NALCN: variants seen among roughly 807,000 people sequenced by gnomAD.
NALCN encodes the protein sodium leak channel, non-selective.
Under a neutral mutation model 225.3 loss-of-function variants are expected in NALCN, and 111 were observed. The observed-to-expected ratio is 0.49, with a 90% CI of 0.42 to 0.58. NALCN has a LOEUF of 0.58. NALCN is among the 20% of genes least tolerant of loss of function. NALCN has a pLI of 0.00. For missense variants in NALCN, 1,378 were observed against 2,202.4 expected, an observed-to-expected ratio of 0.63 and a Z score of 7.49; for synonymous variants, 764 against 769.0, an observed-to-expected ratio of 0.99 and a Z score of 0.11.
intron 11 of NALCN, among the ~76,000 whole-genome samples, chr13:101,247,468 G>C (rs1029240057): frequency 1.3e-5 from 2 of 151,902 alleles, no homozygotes; most frequent in African/African-American, 2.4e-5. Flanking sequence ...GGGAGGGAGA[G>C]AGAAATAAGA....
intron 14 of NALCN, 50 bp downstream of exon 14, chr13:101,191,867 A>T: frequency 6.4e-7 from 1 of 1,569,564 alleles, no homozygotes; most frequent in South Asian, 1.2e-5. Flanking sequence ...GTTGATGTTC[A>T]TCCCATTATA....
chr13:101,145,726 C>T (rs550427694), intron 15 of NALCN, among the ~76,000 whole-genome samples: 19 of 152,242 alleles, frequency 1.2e-4, no homozygotes, highest in African/African-American at 4.3e-4. Context: ...TTTACCTCTC[C>T]CCTTCTCCAG....
chr13:101,364,169 GA>G (rs1004116756), intron 6 of NALCN, among the ~76,000 whole-genome samples: 11 of 152,078 alleles, frequency 7.2e-5, no homozygotes, highest in African/African-American at 2.4e-4. Flanking sequence ...AGTACGGACT[GA>G]AAAAAACTAA....
chr13:101,385,902 C>A (rs779829311), intron 3 of NALCN, among the ~76,000 whole-genome samples: 74 of 152,288 alleles, frequency 4.9e-4, no homozygotes, highest in Non-Finnish European at 6.5e-4. Flanking sequence ...AATCTTACAT[C>A]TTACAGTCAA....
chr13:101,330,158 C>T (rs2045111530), intron 7 of NALCN, among the ~76,000 whole-genome samples: 1 of 151,890 alleles, frequency 6.6e-6, no homozygotes, highest in South Asian at 2.1e-4. Flanking sequence ...CCCTTACCCT[C>T]CTCACCCTAT....
intron 7 of NALCN, among the ~76,000 whole-genome samples, chr13:101,293,419 T>C (rs1263264008): frequency 6.6e-6 from 1 of 152,216 alleles, no homozygotes; most frequent in African/African-American, 2.4e-5. Flanking sequence ...CACACACACA[T>C]ATACCATTGA....
chr13:101,413,011 T>G (rs2047833525), intron 1 of NALCN, among the ~76,000 whole-genome samples: 1 of 152,172 alleles, frequency 6.6e-6, no homozygotes, highest in Non-Finnish European at 1.5e-5. Context: ...AAAGGTCAAG[T>G]TTTTATATAG....
chr13:101,103,036 G>C, intron 26 of NALCN, 136 bp downstream of exon 26: 1 of 1,015,326 alleles, frequency 9.8e-7, no homozygotes, highest in Non-Finnish European at 1.4e-6. Flanking sequence ...ATTGTGTTTT[G>C]TTAGTGCCTC....
At chr13:101,358,218 G>A (rs945399998) in intron 6 of NALCN, among the ~76,000 whole-genome samples, 1 of 152,132 alleles carries the variant, frequency 6.6e-6, no homozygotes, top group Admixed American at 6.5e-5. Flanking sequence ...AAGAGCTTAT[G>A]CACAGCAAAA....
At position 101,107,577 on chromosome 13, in the gene NALCN, T is replaced by C. The variant is rs1346581526; in HGVS notation, c.2489A>G (p.His830Arg). Residue 830 changes from histidine to arginine, a missense_variant, in exon 22 of 44, where the codon CAC becomes CGC. This residue lies in a region of NALCN where 292 missense variants were observed against 409.5 expected (regional missense o/e 0.71). Coordinates refer to ENST00000251127, the MANE Select transcript of NALCN (RefSeq NM_052867.4). Reference sequence around the variant, plus strand: ...GAACAGTGGCTTATCGAAGTATGGGTGGTTCTCTCTGAGTTCCTCTTCTTG... The same window carrying C: ...GAACAGTGGCTTATCGAAGTATGGGCGGTTCTCTCTGAGTTCCTCTTCTTG... Reference protein sequence around the residue: ...KVQEEELRENHPYFDKPLFIV... With the variant: ...KVQEEELRENRPYFDKPLFIV... The C allele has an allele frequency of 6.2e-7, 1 of 1,614,094 alleles. No individual in the cohort carries two copies. Among genetic ancestry groups the C allele is most frequent in the Non-Finnish European group, 8.5e-7 (1 of 1,179,974 alleles).
intron 6 of NALCN, among the ~76,000 whole-genome samples, chr13:101,374,272 CTTTTTTTTTTTTT>C (rs869167949): frequency 8.3e-6 from 1 of 119,928 alleles, no homozygotes; most frequent in South Asian, 2.7e-4. Flanking sequence ...AAATTTCTTT[CTTTTTTTTTTTTT>C]TTTTTTTTGA....
At chr13:101,202,702 G>C (rs567325562) in intron 13 of NALCN, among the ~76,000 whole-genome samples, 1 of 152,116 alleles carries the variant, frequency 6.6e-6, no homozygotes, top group African/African-American at 2.4e-5. Flanking sequence ...AAGGGACTTC[G>C]ACACTGCCAA....
intron 3 of NALCN, among the ~76,000 whole-genome samples, chr13:101,386,162 T>C (rs74906881): frequency 1.5e-3 from 234 of 152,344 alleles, no homozygotes; most frequent in African/African-American, 5.3e-3. Context: ...TTTGCAGAAA[T>C]ATGCAGGTTG....
intron 9 of NALCN, among the ~76,000 whole-genome samples, chr13:101,288,771 T>C (rs985272672): frequency 2.0e-5 from 3 of 152,240 alleles, no homozygotes; most frequent in South Asian, 2.1e-4. Flanking sequence ...TAGATATGTA[T>C]TGACTGTCAG....
chr13:101,293,184 T>C (rs1212790436), intron 7 of NALCN, among the ~76,000 whole-genome samples: 2 of 152,210 alleles, frequency 1.3e-5, no homozygotes, highest in African/African-American at 4.8e-5. Context: ...GTCATTCTGG[T>C]ACAAAGCCCC....
intron 27 of NALCN, among the ~76,000 whole-genome samples, chr13:101,099,657 C>T (rs2034701227): frequency 6.6e-6 from 1 of 152,138 alleles, no homozygotes; most frequent in Admixed American, 6.5e-5. Flanking sequence ...TAATTATTAA[C>T]CAAACTGTGT....
intron 7 of NALCN, among the ~76,000 whole-genome samples, chr13:101,337,433 C>A (rs989488367): frequency 6.6e-6 from 1 of 151,920 alleles, no homozygotes; most frequent in Non-Finnish European, 1.5e-5. Flanking sequence ...CTCAGCCTCC[C>A]GAGTAGCTGG....
chr13:101,074,712 G>A, intron 35 of NALCN, 50 bp from the exon 36 acceptor site: 1 of 1,297,748 alleles, frequency 7.7e-7, no homozygotes. Flanking sequence ...GAGAGAGAGA[G>A]ACAGAGACAG....
At chr13:101,267,325 T>TA (rs2042630090) in intron 10 of NALCN, among the ~76,000 whole-genome samples, 1 of 152,156 alleles carries the variant, frequency 6.6e-6, no homozygotes, top group Admixed American at 6.5e-5. Flanking sequence ...AAAGCACCAG[T>TA]AATGGCTGGT....
Sources: gnomAD v4.1 joint callset for allele counts (sites outside exome capture counted in the v4.1 genomes callset) on GRCh38, gnomAD v4.1.1 for gene constraint, gnomAD v4.1.1 regional missense constraint, MANE v1.5 for transcripts, NCBI Gene and HGNC (gene_info 2026-07-23, HGNC 2026-07-21) for gene names.